PRKCB: variants seen among roughly 807,000 people sequenced by gnomAD.
PRKCB encodes protein kinase C beta.
A neutral mutation model predicts 81.5 loss-of-function variants in PRKCB; 13 were observed. That is an observed-to-expected ratio of 0.16 (90% CI 0.10 to 0.25). The LOEUF (loss-of-function observed/expected upper bound fraction) is 0.25. Ranked by LOEUF, PRKCB falls within the 10% of genes least tolerant of loss-of-function variation. PRKCB has a pLI of 1.00. For missense variants in PRKCB, 509 were observed against 875.7 expected (o/e 0.58, Z 5.29); for synonymous variants, 335 against 321.4 (o/e 1.04, Z -0.45).
At chr16:24,092,741 C>T in intron 5 of PRKCB, 50 bp from the exon 6 acceptor site, 1 of 1,554,582 alleles carries the variant, frequency 6.4e-7, no homozygotes, top group Non-Finnish European at 8.8e-7. Context: ...CTGCTTGGTG[C>T]TTAAACATGT....
At chr16:24,191,441 C>T (rs750581595) in intron 16 of PRKCB, 17 of 471,892 alleles carry the variant, frequency 3.6e-5, no homozygotes, top group Middle Eastern at 5.5e-4. Flanking sequence ...ATGGAAACGA[C>T]GATGCCTATT....
rs1275481642 is a variant in PRKCB at position 24,216,167 on chromosome 16, C to T, written c.*1351C>T. The T allele has an allele frequency of 1.0e-6, 1 of 985,308 alleles. No homozygotes were observed. The highest frequency in any genetic ancestry group is 6.2e-5 in the Admixed American group (1 of 16,246). 61.0% of individuals were successfully genotyped at this position (985,308 alleles called of 1,614,324 possible). On this transcript the variant is annotated 3_prime_UTR_variant, in exon 17 of 17. Transcript: ENST00000643927. ...CACTCGGAGGGGCGGGGGCTGTGGC[C>T]CATTCAGGGGCTGCTGGTGGGCTGT...
intron 2 of PRKCB, among the ~76,000 whole-genome samples, chr16:23,961,302 T>C (rs1218988654): frequency 6.6e-6 from 1 of 152,214 alleles, no homozygotes; most frequent in Admixed American, 6.5e-5. Flanking sequence ...AATTGGTTTA[T>C]GTATAACAAA....
At chr16:23,905,516 G>A (rs1963545578) in intron 2 of PRKCB, among the ~76,000 whole-genome samples, 1 of 152,162 alleles carries the variant, frequency 6.6e-6, no homozygotes, top group Admixed American at 6.5e-5. Flanking sequence ...CCCAAATATT[G>A]CATAGCACCA....
Position 23,899,699 on chromosome 16 carries a change from A to C in PRKCB, c.205+62293A>C, listed in dbSNP as rs183252614. On this transcript the variant is annotated intron_variant, in intron 2 of 16. Coordinates refer to ENST00000643927, the MANE Select transcript of PRKCB (RefSeq NM_002738.7). ...TTGTCACCTGGGCTGGAGTGCAGTG[A>C]TGCGACCATGGCTCACTATATTCAA... is the stretch of plus-strand genomic sequence containing the variant. 6.6e-3 allele frequency among the ~76,000 whole-genome samples: 500 copies of C among 75,938 alleles called. 135 individuals are homozygous for C. Among genetic ancestry groups the C allele is most frequent in the African/African-American group, 0.019 (478 of 25,756 alleles). 49.8% of individuals were successfully genotyped at this position (75,938 alleles called of 152,430 possible). A position where few individuals can be genotyped will look rare whatever the true frequency, so the allele number is the denominator to read the frequency against.
At chr16:23,917,743 G>T (rs959773162) in intron 2 of PRKCB, among the ~76,000 whole-genome samples, 3 of 152,314 alleles carry the variant, frequency 2.0e-5, no homozygotes, top group East Asian at 1.9e-4. Flanking sequence ...TTGAGGAAAG[G>T]TTTCATCGCA....
At chr16:24,190,977 T>G in intron 15 of PRKCB, 113 bp from the exon 16 acceptor site, 194 of 1,306,536 alleles carry the variant, frequency 1.5e-4, no homozygotes, top group Middle Eastern at 7.8e-4. Flanking sequence ...AAAAATGAGT[T>G]GAGATTCTTC....
At chr16:23,908,440 C>G (rs552358055) in intron 2 of PRKCB, among the ~76,000 whole-genome samples, 11 of 152,136 alleles carry the variant, frequency 7.2e-5, no homozygotes, top group Admixed American at 5.9e-4. Context: ...TCCCCAGGTG[C>G]GGCTCTAACA....
At chr16:24,079,882 C>A (rs1966227481) in intron 5 of PRKCB, among the ~76,000 whole-genome samples, 1 of 152,108 alleles carries the variant, frequency 6.6e-6, no homozygotes, top group Non-Finnish European at 1.5e-5. Context: ...TTTATTACGT[C>A]AAGAAAAGCA....
Position 23,875,739 on chromosome 16 carries a change from A to G in PRKCB, c.205+38333A>G, listed in dbSNP as rs549860852. 1.1e-3 allele frequency among the ~76,000 whole-genome samples: 137 copies of G among 120,694 alleles called. 14 individuals carry two copies. The highest frequency in any genetic ancestry group is 3.9e-3 in the African/African-American group (111 of 28,392). 79.2% of individuals were successfully genotyped at this position (120,694 alleles called of 152,430 possible). On this transcript the variant is annotated intron_variant, in intron 2 of 16. Transcript: ENST00000643927. ...GTATGTATATCACACATATATATGT[A>G]TGTATATCACACATATATGTATGTA...
intron 7 of PRKCB, among the ~76,000 whole-genome samples, chr16:24,105,277 G>C (rs939817250): frequency 6.6e-6 from 1 of 152,032 alleles, no homozygotes; most frequent in Non-Finnish European, 1.5e-5. Flanking sequence ...GGCTGGTCTC[G>C]AACTCCTGAC....
At chr16:23,836,915 T>A (rs1962172005) in intron 1 of PRKCB, among the ~76,000 whole-genome samples, 1 of 151,764 alleles carries the variant, frequency 6.6e-6, no homozygotes, top group Non-Finnish European at 1.5e-5. Flanking sequence ...CACTCCTCGG[T>A]CACATCACTG....
intron 2 of PRKCB, among the ~76,000 whole-genome samples, chr16:23,884,602 G>C (rs150240875): frequency 1.3e-5 from 2 of 152,074 alleles, no homozygotes; most frequent in Non-Finnish European, 2.9e-5. Flanking sequence ...TGGTGTGACC[G>C]TAGCTCACTG....
chr16:24,185,362 C>T (rs1967687073), intron 14 of PRKCB, 98 bp from the exon 15 acceptor site: 2 of 1,261,172 alleles, frequency 1.6e-6, no homozygotes, highest in Admixed American at 1.9e-5. Context: ...TGTGTGGCTT[C>T]ACTGTGGGCC....
At position 23,836,186 on chromosome 16, in the gene PRKCB, C is replaced by G. The variant is rs757085223; in HGVS notation, c.11C>G (p.Pro4Arg). 1.9e-6 allele frequency: 3 copies of G among 1,564,566 alleles called. No individual in the cohort carries two copies. The highest frequency in any genetic ancestry group is 2.3e-5 in the South Asian group (2 of 87,110). The part of the protein sequence containing the change: MAD[P>R]AAGPPPSEGE... Reference sequence around the variant, plus strand: ...CTCCCCGCGCGCAAGATGGCTGACCCGGCTGCGGGGCCGCCGCCGAGCGAG... The same window carrying G: ...CTCCCCGCGCGCAAGATGGCTGACCGGGCTGCGGGGCCGCCGCCGAGCGAG... Residue 4 changes from proline (P) to arginine (R), a missense_variant, in exon 1 of 17, where the codon CCG becomes CGG. Physicochemically the swap from Pro to Arg is moderately radical, Grantham distance 103. Transcript: ENST00000643927.
At chr16:23,838,071 A>G (rs1205447280) in intron 2 of PRKCB, among the ~76,000 whole-genome samples, 1 of 152,152 alleles carries the variant, frequency 6.6e-6, no homozygotes, top group East Asian at 1.9e-4. Context: ...GCTGGTGGTG[A>G]GTTGATCACG....
At chr16:24,096,669 ATATATATATATATAT>A (rs1567372918) in intron 7 of PRKCB, among the ~76,000 whole-genome samples, 2,952 of 20,422 alleles carry the variant, frequency 0.14, 151 homozygotes, top group African/African-American at 0.22. Context: ...AAAAAAAAAT[ATATATATATATATAT>A]ATATATATAT....
At chr16:23,878,668 T>A (rs1963055832) in intron 2 of PRKCB, among the ~76,000 whole-genome samples, 1 of 152,216 alleles carries the variant, frequency 6.6e-6, no homozygotes, top group South Asian at 2.1e-4. Context: ...CCGTGAGTGA[T>A]CATGAAAGAA....
chr16:23,918,160 C>G (rs931012548), intron 2 of PRKCB, among the ~76,000 whole-genome samples: 1 of 151,910 alleles, frequency 6.6e-6, no homozygotes, highest in South Asian at 2.1e-4. Context: ...TGTTTTGACA[C>G]TTGGAGGGAT....
Sources: gnomAD v4.1 joint callset for allele counts (sites outside exome capture counted in the v4.1 genomes callset) on GRCh38, gnomAD v4.1.1 for gene constraint, MANE v1.5 for transcripts, NCBI Gene and HGNC (gene_info 2026-07-23, HGNC 2026-07-21) for gene names.